ST3GAL4: variants seen among roughly 807,000 people sequenced by gnomAD.
ST3GAL4 encodes ST3 beta-galactoside alpha-2,3-sialyltransferase 4.
ST3GAL4 carries 24 observed loss-of-function variants against 42.6 expected under a neutral mutation model. The observed-to-expected ratio is 0.56, with a 90% CI of 0.41 to 0.79. ST3GAL4 has a LOEUF of 0.79. Among genes scored for constraint, ST3GAL4 ranks in the 30% least tolerant of loss-of-function variants. The probability of loss-of-function intolerance (pLI) is 0.00; values close to 1 mark genes in which losing one functional copy is unlikely to be tolerated. For synonymous variants in ST3GAL4, 135 were observed against 163.2 expected, an observed-to-expected ratio of 0.83 and a Z score of 1.32; for missense variants, 311 against 430.8, an observed-to-expected ratio of 0.72 and a Z score of 2.46.
At chr11:126,387,180 C>T (rs543041092) in intron 1 of ST3GAL4, among the ~76,000 whole-genome samples, 2 of 152,336 alleles carry the variant, frequency 1.3e-5, no homozygotes, top group South Asian at 2.1e-4. Context: ...ATTGTCTGCT[C>T]ATACAACTTC....
Position 126,392,272 on chromosome 11 carries a change from C to T in ST3GAL4, c.-60-13824C>T, listed in dbSNP as rs1953548814. On this transcript the variant is annotated intron_variant, in intron 1 of 10. Coordinates refer to ENST00000444328, the MANE Select transcript of ST3GAL4 (RefSeq NM_001254757.2). The surrounding 1 kb of genome is among the most constrained non-coding windows in gnomAD (Gnocchi z 5.8). ...GGAGATTTCCTGGGTATTAGGGTGTCCTCAAGCCTGCAGCTCTCCTGGGAC... is the reference window on the plus strand; with the variant it reads ...GGAGATTTCCTGGGTATTAGGGTGTTCTCAAGCCTGCAGCTCTCCTGGGAC... 1 of 975,250 alleles carries T rather than the reference C, an allele frequency of 1.0e-6. No homozygotes were observed. 60.4% of individuals were successfully genotyped at this position (975,250 alleles called of 1,614,324 possible). A position where few individuals can be genotyped will look rare whatever the true frequency, so the allele number is the denominator to read the frequency against.
chr11:126,399,668 C>T (rs1197628275), intron 1 of ST3GAL4, among the ~76,000 whole-genome samples: 1 of 152,088 alleles, frequency 6.6e-6, no homozygotes, highest in Non-Finnish European at 1.5e-5. Context: ...TTACAGTATA[C>T]AGTTAAAATA....
At chr11:126,381,999 A>G (rs1953023337) in intron 1 of ST3GAL4, among the ~76,000 whole-genome samples, 1 of 152,082 alleles carries the variant, frequency 6.6e-6, no homozygotes, top group African/African-American at 2.4e-5. Flanking sequence ...CCAGGGATGC[A>G]GCTCTGGCCT....
At chr11:126,356,774 C>T (rs779009002) in intron 1 of ST3GAL4, among the ~76,000 whole-genome samples, 2 of 152,234 alleles carry the variant, frequency 1.3e-5, no homozygotes, top group African/African-American at 2.4e-5. Context: ...CCGCCGGAGG[C>T]GGGTACCGCG....
At position 126,389,614 on chromosome 11, in the gene ST3GAL4, A is replaced by G. The variant is rs151035910; in HGVS notation, c.-60-16482A>G. Among the ~76,000 whole-genome samples, 16 of 152,144 alleles carry G rather than the reference A, an allele frequency of 1.1e-4. No homozygotes were observed. In the East Asian group the frequency reaches 2.3e-3, roughly 22 times the overall value. Reference sequence around the variant, plus strand: ...GATCTTGCTCTGTCACCCAGGCTGGAGTATAGTGGCGCGATCATAGCTCGC... The same window carrying G: ...GATCTTGCTCTGTCACCCAGGCTGGGGTATAGTGGCGCGATCATAGCTCGC... On this transcript the variant is annotated intron_variant, in intron 1 of 10. Coordinates refer to ENST00000444328, the MANE Select transcript of ST3GAL4 (RefSeq NM_001254757.2).
intron 1 of ST3GAL4, among the ~76,000 whole-genome samples, chr11:126,369,870 A>AAT (rs1952578600): frequency 6.6e-6 from 1 of 152,222 alleles, no homozygotes; most frequent in Admixed American, 6.5e-5. Flanking sequence ...GATGTATCTG[A>AAT]ATATGCATGT....
chr11:126,377,463 G>A (rs1432832182), intron 1 of ST3GAL4, among the ~76,000 whole-genome samples: 1 of 142,078 alleles, frequency 7.0e-6, no homozygotes, highest in Admixed American at 7.2e-5. Flanking sequence ...GAGCCACCGT[G>A]CCTGGCCAAC....
rs1354531315 is a variant in ST3GAL4 at position 126,379,800 on chromosome 11, C to T, written c.-61+23958C>T. Among the ~76,000 whole-genome samples, 1 of 152,074 alleles carries T rather than the reference C, an allele frequency of 6.6e-6. No individual in the cohort carries two copies. The highest frequency in any genetic ancestry group is 1.5e-5 in the Non-Finnish European group (1 of 68,008). ...GCCTGTTATCCTTAATTTTAAATCA[C>T]ATGTGGATTGACAAGTCCAAAACTC... On this transcript the variant is annotated intron_variant, in intron 1 of 10. Transcript: ENST00000444328. The surrounding 1 kb of genome is among the most constrained non-coding windows in gnomAD (Gnocchi z 4.2).
intron 5 of ST3GAL4, 108 bp from the exon 6 acceptor site, chr11:126,407,466 C>A: frequency 6.4e-7 from 1 of 1,563,570 alleles, no homozygotes; most frequent in Non-Finnish European, 8.8e-7. Flanking sequence ...GTACCAGGGT[C>A]AGGGGAAGAA....
At chr11:126,365,445 C>T (rs1044126653) in intron 1 of ST3GAL4, among the ~76,000 whole-genome samples, 4 of 152,166 alleles carry the variant, frequency 2.6e-5, no homozygotes, top group African/African-American at 9.7e-5. Context: ...CTTGGCATGA[C>T]CCCTGGCATC....
At position 126,392,945 on chromosome 11, in the gene ST3GAL4, C is replaced by T. The variant is rs1013431457; in HGVS notation, c.-60-13151C>T. 2.0e-5 allele frequency among the ~76,000 whole-genome samples: 3 copies of T among 147,790 alleles called. No individual in the cohort carries two copies. The highest frequency in any genetic ancestry group is 4.4e-5 in the Non-Finnish European group (3 of 67,592). ...TCCAGATCTCTCAACATTTGTAACA[C>T]GACCAACTCCTGTTCTTTTTTTTTT... On this transcript the variant is annotated intron_variant, in intron 1 of 10. Coordinates refer to ENST00000444328, the MANE Select transcript of ST3GAL4 (RefSeq NM_001254757.2). This position sits in a 1 kb window ranked among gnomAD's most constrained non-coding sequence, Gnocchi z 5.8.
At position 126,392,299 on chromosome 11, in the gene ST3GAL4, G is replaced by A. The variant is rs910713526; in HGVS notation, c.-60-13797G>A. 3.3e-5 allele frequency: 33 copies of A among 985,702 alleles called. No homozygotes were observed. In the South Asian group the frequency reaches 4.2e-4, roughly 13 times the overall value. 61.1% of individuals were successfully genotyped at this position (985,702 alleles called of 1,614,324 possible). ...TCAAGCCTGCAGCTCTCCTGGGACT[G>A]CACAGAGTTTACTGTCGGACATCAG... On this transcript the variant is annotated intron_variant, in intron 1 of 10. Transcript: ENST00000444328. The surrounding 1 kb of genome is among the most constrained non-coding windows in gnomAD (Gnocchi z 5.8).
At chr11:126,377,287 C>G (rs972761311) in intron 1 of ST3GAL4, among the ~76,000 whole-genome samples, 1 of 151,980 alleles carries the variant, frequency 6.6e-6, no homozygotes, top group African/African-American at 2.4e-5. Context: ...TCTCCTGCCT[C>G]AACCTCCTGA....
rs191412469 is a variant in ST3GAL4 at position 126,365,895 on chromosome 11, C to G, written c.-61+10053C>G. Reference sequence around the variant, plus strand: ...AGTGCCCTCCATGGGGCAGCAGGCTCTGCAGTACCCTCGGCCAAATGGCCA... The same window carrying G: ...AGTGCCCTCCATGGGGCAGCAGGCTGTGCAGTACCCTCGGCCAAATGGCCA... On this transcript the variant is annotated intron_variant, in intron 1 of 10. Coordinates refer to ENST00000444328, the MANE Select transcript of ST3GAL4 (RefSeq NM_001254757.2). Among the ~76,000 whole-genome samples the G allele has an allele frequency of 5.4e-3, 821 of 152,282 alleles. 7 individuals carry two copies. Among genetic ancestry groups the G allele is most frequent in the African/African-American group, 0.019 (780 of 41,554 alleles).
Position 126,366,148 on chromosome 11 carries a change from G to C in ST3GAL4, c.-61+10306G>C, listed in dbSNP as rs956998734. Among the ~76,000 whole-genome samples, 1 of 152,208 alleles carries C rather than the reference G, an allele frequency of 6.6e-6. No individual in the cohort carries two copies. Among genetic ancestry groups the C allele is most frequent in the Non-Finnish European group, 1.5e-5 (1 of 68,036 alleles). ...AGAGGCTCCGGGCTGCCTGGTGATA[G>C]CTCCCAGGGACCTGCAAGCTGACAA... On this transcript the variant is annotated intron_variant, in intron 1 of 10. Coordinates refer to ENST00000444328, the MANE Select transcript of ST3GAL4 (RefSeq NM_001254757.2). The surrounding 1 kb of genome is among the most constrained non-coding windows in gnomAD (Gnocchi z 4.2).
intron 1 of ST3GAL4, chr11:126,403,365 G>A (rs867922600): frequency 1.0e-5 from 10 of 984,422 alleles, no homozygotes; most frequent in Non-Finnish European, 1.2e-5. Context: ...CACCTCTGAC[G>A]CCAAAGGTTT....
rs762892226 is a variant in ST3GAL4, at chr11:126,391,973, ATGTG to A, written c.-60-14117_-60-14114del. ...TGTGTGTGTGTGTGTGTGTGTGTGTATGTGTGTGTATGTGTATATATAAAATTAT... is the reference window on the plus strand; with the variant it reads ...TGTGTGTGTGTGTGTGTGTGTGTGTATGTGTATGTGTATATATAAAATTAT... On this transcript the variant is annotated intron_variant, in intron 1 of 10. Transcript: ENST00000444328. This position sits in a 1 kb window ranked among gnomAD's most constrained non-coding sequence, Gnocchi z 5.5. 2.3e-5 allele frequency among the ~76,000 whole-genome samples: 3 copies of A among 132,582 alleles called. No individual in the cohort carries two copies. Among genetic ancestry groups the A allele is most frequent in the African/African-American group, 5.5e-5 (2 of 36,338 alleles). The allele number at this position is 132,582 out of a possible 152,430, so 87.0% of individuals were successfully genotyped here. A position where few individuals can be genotyped will look rare whatever the true frequency, so the allele number is the denominator to read the frequency against.
Position 126,406,028 on chromosome 11 carries a change from T to A in ST3GAL4, c.-60-68T>A, listed in dbSNP as rs1277044197. ...AAGGGAGGGGCAGACAGTGGGTGTG[T>A]CCTGCTCCAGTGTCTAGGCAGGAGA... On this transcript the variant is annotated intron_variant, in intron 1 of 10. Coordinates refer to ENST00000444328, the MANE Select transcript of ST3GAL4 (RefSeq NM_001254757.2). The surrounding 1 kb of genome is among the most constrained non-coding windows in gnomAD (Gnocchi z 5.4). The A allele has an allele frequency of 6.5e-7, 1 of 1,527,070 alleles. No homozygotes were observed. Among genetic ancestry groups the A allele is most frequent in the Non-Finnish European group, 8.9e-7 (1 of 1,126,426 alleles). The allele number at this position is 1,527,070 out of a possible 1,614,324, so 94.6% of individuals were successfully genotyped here. A position where few individuals can be genotyped will look rare whatever the true frequency, so the allele number is the denominator to read the frequency against.
intron 1 of ST3GAL4, among the ~76,000 whole-genome samples, chr11:126,387,589 G>A (rs1020426039): frequency 6.6e-6 from 1 of 151,528 alleles, no homozygotes; most frequent in Admixed American, 6.6e-5. Flanking sequence ...AGGTGGGAGG[G>A]TTGCTTCAGC....
Sources: gnomAD v4.1 joint callset for allele counts (sites outside exome capture counted in the v4.1 genomes callset) on GRCh38, gnomAD v4.1.1 for gene constraint, Gnocchi (gnomAD v3.1) non-coding constraint, MANE v1.5 for transcripts, NCBI Gene and HGNC (gene_info 2026-07-23, HGNC 2026-07-21) for gene names.